TENM2: variants seen among roughly 807,000 people sequenced by gnomAD.
TENM2 encodes the protein teneurin-2.
TENM2 carries 52 observed loss-of-function variants against 245.2 expected under a neutral mutation model. The observed-to-expected ratio is 0.21, with a 90% CI of 0.17 to 0.27. TENM2 has a LOEUF of 0.27. TENM2 is among the 10% of genes least tolerant of loss of function. The pLI is 1.00. For synonymous variants in TENM2, 1,363 were observed against 1,438.9 expected (o/e 0.95, Z 1.19); for missense variants, 3,046 against 3,666.8 (o/e 0.83, Z 4.37).
intron 2 of TENM2, among the ~76,000 whole-genome samples, chr5:167,408,935 A>G (rs1439064096): frequency 6.7e-6 from 1 of 148,650 alleles, no homozygotes; most frequent in Non-Finnish European, 1.5e-5. Context: ...ATTTTCTCCC[A>G]AATCTAATAT....
chr5:167,769,415 C>T (rs1276205229), intron 2 of TENM2, among the ~76,000 whole-genome samples: 1 of 152,124 alleles, frequency 6.6e-6, no homozygotes, highest in African/African-American at 2.4e-5. Flanking sequence ...ACACTGGGGC[C>T]TTTTCATTGG....
intron 2 of TENM2, among the ~76,000 whole-genome samples, chr5:167,833,656 G>A (rs1768715192): frequency 6.6e-6 from 1 of 152,206 alleles, no homozygotes; most frequent in Non-Finnish European, 1.5e-5. Context: ...CCACATTCCA[G>A]ACACTAGAGC....
intron 7 of TENM2, among the ~76,000 whole-genome samples, chr5:168,085,921 A>G (rs766950671): frequency 3.3e-5 from 5 of 152,256 alleles, no homozygotes; most frequent in Non-Finnish European, 7.3e-5. Flanking sequence ...GAGGCCAGCA[A>G]TGCTGCCAGT....
chr5:168,147,302 G>A (rs1238118767), intron 12 of TENM2, among the ~76,000 whole-genome samples: 4 of 152,182 alleles, frequency 2.6e-5, no homozygotes, highest in East Asian at 1.9e-4. Context: ...GTTGCTGTGG[G>A]AACCATCATT....
chr5:167,704,949 C>A (rs766283730), intron 2 of TENM2, among the ~76,000 whole-genome samples: 1 of 152,100 alleles, frequency 6.6e-6, no homozygotes, highest in South Asian at 2.1e-4. Context: ...TGTATTGATT[C>A]TTTATTTCTT....
chr5:168,037,437 G>A (rs1787806301), intron 5 of TENM2, among the ~76,000 whole-genome samples: 3 of 151,766 alleles, frequency 2.0e-5, no homozygotes, highest in Non-Finnish European at 4.4e-5. Context: ...ATAGAAAAAT[G>A]GTGATTTTAG....
intron 2 of TENM2, among the ~76,000 whole-genome samples, chr5:167,703,131 A>G (rs530674547): frequency 1.3e-5 from 2 of 152,292 alleles, no homozygotes; most frequent in East Asian, 3.9e-4. Flanking sequence ...TTCTCATGGT[A>G]TTATTCCATA....
At chr5:167,625,605 T>C (rs1778451894) in intron 2 of TENM2, among the ~76,000 whole-genome samples, 1 of 152,236 alleles carries the variant, frequency 6.6e-6, no homozygotes, top group South Asian at 2.1e-4. Context: ...AAGGAAAGTC[T>C]GCTCAGATGT....
chr5:167,448,996 T>G (rs1765392410), intron 2 of TENM2, among the ~76,000 whole-genome samples: 1 of 152,138 alleles, frequency 6.6e-6, no homozygotes, highest in Non-Finnish European at 1.5e-5. Flanking sequence ...GGAATTTTAG[T>G]TGTGCCTTCT....
the TENM2 span, among the ~76,000 whole-genome samples, chr5:167,273,812 G>A: frequency 6.6e-6 from 1 of 152,210 alleles, no homozygotes; most frequent in African/African-American, 2.4e-5. Context: ...GGGTGTTTGT[G>A]TACCTAGTTT....
At chr5:167,698,539 C>A (rs1365577074) in intron 2 of TENM2, among the ~76,000 whole-genome samples, 1 of 152,138 alleles carries the variant, frequency 6.6e-6, no homozygotes, top group East Asian at 1.9e-4. Context: ...CCTGGGTGGC[C>A]ACTGCACAGA....
At chr5:168,159,039 G>A (rs1366000820) in intron 12 of TENM2, among the ~76,000 whole-genome samples, 2 of 150,924 alleles carry the variant, frequency 1.3e-5, no homozygotes, top group African/African-American at 2.4e-5. Flanking sequence ...AGCTACTCAG[G>A]AAGCTGAGGC....
chr5:167,323,981 C>T (rs1404130850), intron 1 of TENM2, among the ~76,000 whole-genome samples: 1 of 152,182 alleles, frequency 6.6e-6, no homozygotes, highest in Non-Finnish European at 1.5e-5. Flanking sequence ...AGCTAGAGAA[C>T]CTATGGCATG....
chr5:167,657,837 A>G lies in TENM2; in HGVS notation c.503-218149A>G, dbSNP rs373450613. ...GATAGTAGGCCAAATGTGGCCCATT[A>G]GCCACAGTTTGCCAGTCCCTGATCT... On this transcript the variant is annotated intron_variant, in intron 2 of 28. Transcript: ENST00000518659. Among the ~76,000 whole-genome samples the G allele has an allele frequency of 2.0e-5, 3 of 152,358 alleles. No homozygotes were observed. In the East Asian group the frequency reaches 5.8e-4, roughly 29 times the overall value.
intron 3 of TENM2, among the ~76,000 whole-genome samples, chr5:167,913,532 G>A (rs1776705914): frequency 1.3e-5 from 2 of 152,136 alleles, no homozygotes; most frequent in Non-Finnish European, 2.9e-5. Context: ...TTTCTGAATT[G>A]AGACTAGCTT....
the TENM2 span, among the ~76,000 whole-genome samples, chr5:167,231,617 G>A: frequency 6.6e-6 from 1 of 152,134 alleles, no homozygotes; most frequent in Non-Finnish European, 1.5e-5. Context: ...TCAGTTTTAG[G>A]TATTCACAAA....
rs1359647954 is a variant in TENM2, at chr5:167,386,360, A to T, written c.502+10887A>T. Among the ~76,000 whole-genome samples the T allele has an allele frequency of 2.0e-5, 3 of 151,318 alleles. No homozygotes were observed. The East Asian group carries it at 5.8e-4, about 29-fold the overall frequency. ...TGTCCTTAGCTTACTTTTTGATGGG[A>T]TTATTATTTTTTTCTTGCTGATTTG... On this transcript the variant is annotated intron_variant, in intron 2 of 28. Transcript: ENST00000518659.
intron 12 of TENM2, among the ~76,000 whole-genome samples, chr5:168,146,930 C>G (rs982981650): frequency 7.9e-5 from 12 of 152,166 alleles, no homozygotes; most frequent in African/African-American, 2.9e-4. Flanking sequence ...ATCAGGGGAC[C>G]CCCCCTTCAC....
At chr5:168,051,725 A>G (rs1412140477) in intron 6 of TENM2, among the ~76,000 whole-genome samples, 1 of 152,202 alleles carries the variant, frequency 6.6e-6, no homozygotes, top group African/African-American at 2.4e-5. Flanking sequence ...TATGACTGTA[A>G]GTGGGTCATT....
Sources: allele counts gnomAD v4.1 joint callset (sites outside exome capture counted in the v4.1 genomes callset), GRCh38; gene constraint gnomAD v4.1.1; transcripts MANE v1.5; gene names NCBI Gene and HGNC (gene_info 2026-07-23, HGNC 2026-07-21).